The following CYP4X1 variants were observed in gnomAD, a reference collection of about 807,000 sequenced individuals.
CYP4X1 encodes cytochrome P450 family 4 subfamily X member 1.
CYP4X1 carries 44 observed loss-of-function variants against 57.9 expected under a neutral mutation model. That is an observed-to-expected ratio of 0.76 (90% CI 0.60 to 0.98). The LOEUF is 0.98. Among genes scored for constraint, CYP4X1 ranks in the 50% least tolerant of loss-of-function variants. The pLI is 0.00. For synonymous variants in CYP4X1, 227 were observed against 228.6 expected, an observed-to-expected ratio of 0.99 and a Z score of 0.06; for missense variants, 532 against 623.9, an observed-to-expected ratio of 0.85 and a Z score of 1.57.
At chr1:47,039,279 G>T (rs1644218929) in intron 7 of CYP4X1, 63 bp from the exon 8 acceptor site, 2 of 1,408,600 alleles carry the variant, frequency 1.4e-6, no homozygotes, top group Non-Finnish European at 1.9e-6. Flanking sequence ...CATTATTGTG[G>T]TTGTATCTCC....
chr1:47,035,779 G>A (rs1396770145), intron 4 of CYP4X1, 27 bp from the exon 5 acceptor site: 1 of 1,600,228 alleles, frequency 6.2e-7, no homozygotes, highest in Non-Finnish European at 8.5e-7. Flanking sequence ...TGGTGGTGAT[G>A]ATGTTGGTCT....
At chr1:46,975,378 G>GAAA in the CYP4X1 span, among the ~76,000 whole-genome samples, 1 of 152,148 alleles carries the variant, frequency 6.6e-6, no homozygotes, top group African/African-American at 2.4e-5. Context: ...AATTCCCTAA[G>GAAA]TGCTTACTTT....
the CYP4X1 span, among the ~76,000 whole-genome samples, chr1:46,971,105 T>C: frequency 1.3e-5 from 2 of 152,280 alleles, no homozygotes; most frequent in East Asian, 3.9e-4. Context: ...AAGTAGGCCA[T>C]GGTATCCATT....
upstream of CYP4X1, among the ~76,000 whole-genome samples, chr1:47,020,691 AATGCTAT>A (rs1643986598): frequency 6.6e-6 from 1 of 152,220 alleles, no homozygotes; most frequent in Non-Finnish European, 1.5e-5. Flanking sequence ...GGTGGGCTGC[AATGCTAT>A]CCTGGGATAC....
At chr1:47,042,275 G>A (rs906499238) in intron 8 of CYP4X1, among the ~76,000 whole-genome samples, 2 of 135,270 alleles carry the variant, frequency 1.5e-5, no homozygotes, top group African/African-American at 2.8e-5. Context: ...TATTCCATAC[G>A]AATTTTAGGG....
At chr1:46,984,631 G>A in the CYP4X1 span, among the ~76,000 whole-genome samples, 1 of 152,110 alleles carries the variant, frequency 6.6e-6, no homozygotes, top group East Asian at 1.9e-4. Context: ...CCCTAGCCAA[G>A]GGAAGCCATG....
chr1:46,987,206 G>GA, the CYP4X1 span, among the ~76,000 whole-genome samples: 1 of 151,786 alleles, frequency 6.6e-6, no homozygotes, highest in African/African-American at 2.4e-5. Context: ...CAAATGGAAA[G>GA]AAAAAATAAA....
rs1456095125 is a variant in CYP4X1, at chr1:47,035,948, A to G, written c.620+15A>G. 2 of 1,612,346 alleles carry G rather than the reference A, an allele frequency of 1.2e-6. No homozygotes were observed. The highest frequency in any genetic ancestry group is 1.7e-6 in the Non-Finnish European group (2 of 1,179,112). On this transcript the variant is annotated intron_variant, in intron 5 of 11. Coordinates refer to ENST00000371901, the MANE Select transcript of CYP4X1 (RefSeq NM_178033.2). ...CAGACAAACAGGTCAGTGGTGGGAG[A>G]GCAAAAAAGATATTTCTTCACATTT...
Position 47,023,990 on chromosome 1 carries a change from A to T in CYP4X1, c.173A>T (p.Gln58Leu). ...APPTHWFLGH[Q>L]KFIQDDNMEK... is the part of the protein sequence containing the mutation. ...CCCACCCACTGGTTCCTTGGGCACC[A>T]GAAGGTAGATGGGAGGGAGGAGGGA... The change falls in exon 1 of 12, where the codon CAG (glutamine) becomes CTG (leucine). Residue 58 changes from glutamine to leucine, a missense_variant. Gln to Leu is a moderately radical substitution (Grantham distance 113). Transcript: ENST00000371901. 1 of 1,612,210 alleles carries T rather than the reference A, an allele frequency of 6.2e-7. No individual in the cohort carries two copies. The highest frequency in any genetic ancestry group is 2.2e-5 in the East Asian group (1 of 44,852).
At chr1:47,027,334 A>C (rs1323293004) in intron 1 of CYP4X1, among the ~76,000 whole-genome samples, 1 of 152,150 alleles carries the variant, frequency 6.6e-6, no homozygotes, top group East Asian at 1.9e-4. Flanking sequence ...AAGGCTCAAA[A>C]GGTGATACTG....
At chr1:46,996,942 G>A in the CYP4X1 span, among the ~76,000 whole-genome samples, 1 of 152,232 alleles carries the variant, frequency 6.6e-6, no homozygotes, top group African/African-American at 2.4e-5. Context: ...GTTGCTGAAA[G>A]CTTCCTTGTT....
chr1:46,979,621 A>G, the CYP4X1 span, among the ~76,000 whole-genome samples: 1 of 152,192 alleles, frequency 6.6e-6, no homozygotes, highest in Non-Finnish European at 1.5e-5. Flanking sequence ...TCCCTAACTG[A>G]TTTTATGAGG....
At chr1:47,043,414 C>T (rs921249036) in intron 8 of CYP4X1, among the ~76,000 whole-genome samples, 14 of 152,094 alleles carry the variant, frequency 9.2e-5, no homozygotes, top group African/African-American at 3.4e-4. Flanking sequence ...TGTCTGTTTA[C>T]TCTGCTGATT....
At chr1:47,009,819 GA>G in the CYP4X1 span, among the ~76,000 whole-genome samples, 4 of 152,182 alleles carry the variant, frequency 2.6e-5, no homozygotes, top group African/African-American at 9.6e-5. Context: ...AGAAGCAATG[GA>G]TAAATTCCTC....
At chr1:47,036,623 ATTAAGCTTT>A (rs1644186837) in intron 6 of CYP4X1, among the ~76,000 whole-genome samples, 1 of 152,118 alleles carries the variant, frequency 6.6e-6, no homozygotes, top group Non-Finnish European at 1.5e-5. Flanking sequence ...GTTGAAATAG[ATTAAGCTTT>A]TTAAGCAATT....
downstream of CYP4X1, among the ~76,000 whole-genome samples, chr1:47,053,186 T>C (rs960989829): frequency 2.0e-5 from 3 of 151,980 alleles, no homozygotes; most frequent in Admixed American, 6.6e-5. Flanking sequence ...TTTGTCCTTG[T>C]GATAGTTTGC....
Position 47,023,711 on chromosome 1 carries a change from C to A in CYP4X1, c.-107C>A. 1.3e-5 allele frequency: 19 copies of A among 1,472,968 alleles called. No individual in the cohort carries two copies. The highest frequency in any genetic ancestry group is 1.7e-5 in the Non-Finnish European group (19 of 1,116,470). 91.2% of individuals were successfully genotyped at this position (1,472,968 alleles called of 1,614,324 possible). A position where few individuals can be genotyped will look rare whatever the true frequency, so the allele number is the denominator to read the frequency against. The stretch of plus-strand genomic sequence containing the variant: ...CCGCGAGTCAGAAGCTTCGCGAGGG[C>A]CCAGAGAGGCGGTGGGGTGGGCGAC... On this transcript the variant is annotated 5_prime_UTR_variant, in exon 1 of 12. Transcript: ENST00000371901.
chr1:47,005,060 C>T, the CYP4X1 span, among the ~76,000 whole-genome samples: 8 of 152,180 alleles, frequency 5.3e-5, no homozygotes, highest in African/African-American at 1.9e-4. Flanking sequence ...CCAGTGTCCA[C>T]CTAAGGTCAG....
chr1:47,050,450 T>C lies in CYP4X1; in HGVS notation c.*276T>C, dbSNP rs111814548. ...ATAGACTTTCATATATTTTCTGTTG[T>C]TTTTAAAATAGTTTTCAGAATTATG... On this transcript the variant is annotated 3_prime_UTR_variant, in exon 12 of 12. Transcript: ENST00000371901. 660 of 238,762 alleles carry C rather than the reference T, an allele frequency of 2.8e-3. 5 individuals carry two copies. The highest frequency in any genetic ancestry group is 0.014 in the African/African-American group (615 of 44,356). The allele number at this position is 238,762 out of a possible 1,614,324, so 14.8% of individuals were successfully genotyped here.
Sources: allele counts gnomAD v4.1 joint callset (sites outside exome capture counted in the v4.1 genomes callset), GRCh38; gene constraint gnomAD v4.1.1; transcripts MANE v1.5; gene names NCBI Gene and HGNC (gene_info 2026-07-23, HGNC 2026-07-21).